MSRA: variants seen among roughly 807,000 people sequenced by gnomAD.
The protein encoded by MSRA is methionine sulfoxide reductase A.
A neutral mutation model predicts 31.3 loss-of-function variants in MSRA; 54 were observed. The observed-to-expected ratio is 1.73, with a 90% confidence interval of 1.39 to 2.17. MSRA has a LOEUF of 2.17. Among genes scored for constraint, MSRA ranks in the 30% most tolerant of loss-of-function variants. The probability of loss-of-function intolerance (pLI) is 0.00; values close to 1 mark genes in which losing one functional copy is unlikely to be tolerated. For synonymous variants in MSRA, 169 were observed against 116.5 expected (o/e 1.45, Z -2.90); for missense variants, 507 against 300.9 (o/e 1.69, Z -5.07).
Position 10,283,160 on chromosome 8 carries a change from A to ACACTCTCTCTCTCTCTCTCTCTCT in MSRA, c.332-18373_332-18372insACTCTCTCTCTCTCTCTCTCTCTC. Reference sequence around the variant, plus strand: ...CACACACACACACACACACACACACACTCTCACCCTTCTCTTTGCTGGGGA... The same window carrying ACACTCTCTCTCTCTCTCTCTCTCT: ...CACACACACACACACACACACACACACACTCTCTCTCTCTCTCTCTCTCTCTCTCACCCTTCTCTTTGCTGGGGA... On this transcript the variant is annotated intron_variant, in intron 3 of 5. Coordinates refer to ENST00000317173, the MANE Select transcript of MSRA (RefSeq NM_012331.5). Among the ~76,000 whole-genome samples the ACACTCTCTCTCTCTCTCTCTCTCT allele has an allele frequency of 7.8e-5, 11 of 140,316 alleles. No homozygotes were observed. In the East Asian group the frequency reaches 1.0e-3, roughly 13 times the overall value. The allele number at this position is 140,316 out of a possible 152,430, so 92.1% of individuals were successfully genotyped here.
At chr8:10,061,437 C>G (rs1176960842) in intron 1 of MSRA, among the ~76,000 whole-genome samples, 1 of 152,166 alleles carries the variant, frequency 6.6e-6, no homozygotes, top group Non-Finnish European at 1.5e-5. Flanking sequence ...TGATCTCCTT[C>G]TTCTCTACTG....
At chr8:10,390,230 C>T (rs940415798) in intron 5 of MSRA, among the ~76,000 whole-genome samples, 1 of 152,106 alleles carries the variant, frequency 6.6e-6, no homozygotes, top group Non-Finnish European at 1.5e-5. Flanking sequence ...GGGGATGGGG[C>T]CTCCGTGGGG....
chr8:10,246,889 C>G (rs1450840980), intron 3 of MSRA, among the ~76,000 whole-genome samples: 1 of 152,030 alleles, frequency 6.6e-6, no homozygotes, highest in Non-Finnish European at 1.5e-5. Context: ...CAAATGAATC[C>G]TGGAGATCAC....
At chr8:10,401,821 G>C (rs965697151) in intron 5 of MSRA, among the ~76,000 whole-genome samples, 2 of 152,146 alleles carry the variant, frequency 1.3e-5, no homozygotes, top group African/African-American at 4.8e-5. Context: ...GACAAATACT[G>C]TATGATTCCT....
At chr8:10,285,254 G>A (rs183209518) in intron 3 of MSRA, among the ~76,000 whole-genome samples, 9 of 152,154 alleles carry the variant, frequency 5.9e-5, no homozygotes, top group East Asian at 3.9e-4. Flanking sequence ...CCAATCTTAC[G>A]GAGTAGTCTT....
At position 10,287,363 on chromosome 8, in the gene MSRA, T is replaced by C. The variant is rs533326523; in HGVS notation, c.332-14171T>C. On this transcript the variant is annotated intron_variant, in intron 3 of 5. Transcript: ENST00000317173. ...AATGTAAAACAGACATCATAATACATGGAGTTCCCATGAAGATTTAATACG... is the reference window on the plus strand; with the variant it reads ...AATGTAAAACAGACATCATAATACACGGAGTTCCCATGAAGATTTAATACG... Among the ~76,000 whole-genome samples, 7 of 152,330 alleles carry C rather than the reference T, an allele frequency of 4.6e-5. No homozygotes were observed. In the East Asian group the frequency reaches 1.3e-3, roughly 29 times the overall value.
chr8:10,271,923 G>T (rs1016975136), intron 3 of MSRA, among the ~76,000 whole-genome samples: 1 of 152,132 alleles, frequency 6.6e-6, no homozygotes, highest in African/African-American at 2.4e-5. Flanking sequence ...GGTCAGGCTG[G>T]TCTCGAACTC....
intron 5 of MSRA, among the ~76,000 whole-genome samples, chr8:10,339,601 A>G (rs576036483): frequency 5.3e-4 from 64 of 121,236 alleles, no homozygotes; most frequent in African/African-American, 2.0e-3. Flanking sequence ...GAGTGCAGTG[A>G]TGCGATCTTG....
intron 1 of MSRA, among the ~76,000 whole-genome samples, chr8:10,078,257 C>T (rs150006435): frequency 0.019 from 2,927 of 152,322 alleles, 34 homozygotes; most frequent in Admixed American, 0.021. Flanking sequence ...CCTCCTCCTT[C>T]CCTACTCAGC....
At chr8:10,328,027 A>ATTTTTTTTTTTTTTTTTTTTTTTTTTTTT (rs35940076) in intron 5 of MSRA, among the ~76,000 whole-genome samples, 2 of 65,310 alleles carry the variant, frequency 3.1e-5, no homozygotes, top group African/African-American at 7.1e-5. Context: ...CTCTATGGTA[A>ATTTTTTTTTTTTTTTTTTTTTTTTTTTTT]TTTTTTTTTT....
At chr8:10,212,021 A>T (rs2129061991) in intron 2 of MSRA, among the ~76,000 whole-genome samples, 1 of 152,218 alleles carries the variant, frequency 6.6e-6, no homozygotes, top group South Asian at 2.1e-4. Context: ...CAATTAAAAA[A>T]TATTTTATAT....
chr8:10,148,253 C>G (rs896672891), intron 1 of MSRA, among the ~76,000 whole-genome samples: 4 of 151,890 alleles, frequency 2.6e-5, no homozygotes, highest in Non-Finnish European at 5.9e-5. Flanking sequence ...AAATGTATCC[C>G]TTCATATAAT....
At position 10,393,930 on chromosome 8, in the gene MSRA, C is replaced by G. The variant is rs562079480; in HGVS notation, c.544-34218C>G. 3.9e-5 allele frequency among the ~76,000 whole-genome samples: 6 copies of G among 152,238 alleles called. No homozygotes were observed. The East Asian group carries it at 9.7e-4, about 25-fold the overall frequency. ...TGTATAACTGTATGGTCTGCAGGCA[C>G]GGGATATTTGGTGATCACACAGCCA... On this transcript the variant is annotated intron_variant, in intron 5 of 5. Transcript: ENST00000317173.
At chr8:10,094,675 A>G (rs754853006) in intron 1 of MSRA, among the ~76,000 whole-genome samples, 1 of 152,248 alleles carries the variant, frequency 6.6e-6, no homozygotes, top group African/African-American at 2.4e-5. Flanking sequence ...TCTATGTTCA[A>G]GCATCATAGG....
intron 1 of MSRA, among the ~76,000 whole-genome samples, chr8:10,204,453 G>C (rs752960631): frequency 6.6e-6 from 1 of 151,904 alleles, no homozygotes; most frequent in Non-Finnish European, 1.5e-5. Context: ...TATTTTTACC[G>C]TACCTTTTCT....
At chr8:10,200,124 G>C (rs1223168117) in intron 1 of MSRA, among the ~76,000 whole-genome samples, 1 of 152,290 alleles carries the variant, frequency 6.6e-6, no homozygotes, top group African/African-American at 2.4e-5. Flanking sequence ...GCTGGGCATC[G>C]GCTCCATTAC....
chr8:10,425,069 AC>A (rs1160355790), intron 5 of MSRA, among the ~76,000 whole-genome samples: 2 of 150,578 alleles, frequency 1.3e-5, no homozygotes, highest in African/African-American at 4.9e-5. Context: ...ACTAGATGTG[AC>A]CTTCCGTGGT....
chr8:10,054,420 C>G lies in MSRA; in HGVS notation c.-97C>G, dbSNP rs1389131425. Reference sequence around the variant, plus strand: ...GCCCGCCCGCGCCCCTGCCGCCCCCCGGTTCCGGCCGCGGACCCCACTCTC... The same window carrying G: ...GCCCGCCCGCGCCCCTGCCGCCCCCGGGTTCCGGCCGCGGACCCCACTCTC... On this transcript the variant is annotated 5_prime_UTR_variant, in exon 1 of 6. Coordinates refer to ENST00000317173, the MANE Select transcript of MSRA (RefSeq NM_012331.5). 12 of 1,192,428 alleles carry G rather than the reference C, an allele frequency of 1.0e-5. No homozygotes were observed. The highest frequency in any genetic ancestry group is 1.3e-5 in the Non-Finnish European group (12 of 928,460). 73.9% of individuals were successfully genotyped at this position (1,192,428 alleles called of 1,614,324 possible). A position where few individuals can be genotyped will look rare whatever the true frequency, so the allele number is the denominator to read the frequency against.
chr8:10,081,445 T>C lies in MSRA; in HGVS notation c.142+26787T>C, dbSNP rs572004277. Among the ~76,000 whole-genome samples, 317 of 152,304 alleles carry C rather than the reference T, an allele frequency of 2.1e-3. 2 individuals are homozygous for C. The highest frequency in any genetic ancestry group is 3.3e-3 in the Non-Finnish European group (224 of 68,024). On this transcript the variant is annotated intron_variant, in intron 1 of 5. Transcript: ENST00000317173. ...TCTCATGATTACTTCCGCCTCAAGG[T>C]TCGGGCATCTCCAGATGCTACCTCT...
Sources: allele counts gnomAD v4.1 joint callset (sites outside exome capture counted in the v4.1 genomes callset), GRCh38; gene constraint gnomAD v4.1.1; transcripts MANE v1.5; gene names NCBI Gene and HGNC (gene_info 2026-07-23, HGNC 2026-07-21).